The following ARHGAP25 variants were observed in gnomAD, a reference collection of about 807,000 sequenced individuals.
The protein encoded by ARHGAP25 is rho GTPase-activating protein 25.
A neutral mutation model predicts 71.0 loss-of-function variants in ARHGAP25; 34 were observed. The observed-to-expected ratio is 0.48, with a 90% CI of 0.36 to 0.64. The LOEUF (loss-of-function observed/expected upper bound fraction) is 0.64, where lower values mean the gene tolerates loss of function less well. Among genes scored for constraint, ARHGAP25 ranks in the 30% least tolerant of loss-of-function variants. The pLI is 0.00. For synonymous variants in ARHGAP25, 282 were observed against 296.5 expected (o/e 0.95, Z 0.50); for missense variants, 706 against 805.1 (o/e 0.88, Z 1.49).
intron 6 of ARHGAP25, among the ~76,000 whole-genome samples, chr2:68,814,754 A>G (rs1024358150): frequency 3.3e-5 from 5 of 152,210 alleles, no homozygotes; most frequent in African/African-American, 9.7e-5. Flanking sequence ...AGATCCTGAC[A>G]TAAGAGAAAA....
intron 1 of ARHGAP25, among the ~76,000 whole-genome samples, chr2:68,763,786 CT>C (rs1260108890): frequency 6.6e-6 from 1 of 152,118 alleles, no homozygotes; most frequent in Non-Finnish European, 1.5e-5. Flanking sequence ...TCTGCAGAAA[CT>C]GTTCTACTCT....
intron 1 of ARHGAP25, among the ~76,000 whole-genome samples, chr2:68,754,048 G>T (rs1035678847): frequency 6.6e-6 from 1 of 151,810 alleles, no homozygotes; most frequent in Admixed American, 6.6e-5. Context: ...GACTACAGGC[G>T]CCCGCCACCA....
chr2:68,784,292 T>C (rs1262828034), intron 3 of ARHGAP25, among the ~76,000 whole-genome samples: 1 of 152,142 alleles, frequency 6.6e-6, no homozygotes, highest in Admixed American at 6.5e-5. Context: ...CTTCCAAGGT[T>C]CCACCCAACC....
Position 68,826,137 on chromosome 2 carries a change from GGAA to G in ARHGAP25, c.1892_1894del (p.Glu631del), listed in dbSNP as rs767981057. 16 of 1,614,004 alleles carry G rather than the reference GGAA, an allele frequency of 9.9e-6. No homozygotes were observed. The Middle Eastern group carries it at 4.9e-4, about 50-fold the overall frequency. On this transcript the variant is annotated inframe_deletion, in exon 11 of 11. Transcript: ENST00000409202. ...ATGTTGAGAAGAGGAACAAGGCCTT[GGAA>G]GAAGAAGTCAAGGAATTTGTCAAAT...
Position 68,822,555 on chromosome 2 carries a change from G to A in ARHGAP25, c.1416G>A (p.Ser472=), listed in dbSNP as rs746079381. Residue 472 remains serine (S), a synonymous_variant, in exon 10 of 11, where the codon TCG becomes TCA. Transcript: ENST00000409202. ...KMEIFKNEFW[S]PSSEAKAGEG... ...AGATCTTTAAAAATGAATTCTGGTC[G>A]CCTTCCTCAGAGGCTAAGGCAGGGG... 23 of 1,614,040 alleles carry A rather than the reference G, an allele frequency of 1.4e-5. No homozygotes were observed. Among genetic ancestry groups the A allele is most frequent in the South Asian group, 5.5e-5 (5 of 91,094 alleles).
At chr2:68,804,235 C>A (rs1680203257) in intron 4 of ARHGAP25, among the ~76,000 whole-genome samples, 2 of 152,128 alleles carry the variant, frequency 1.3e-5, no homozygotes, top group African/African-American at 2.4e-5. Context: ...AGAAATGGAG[C>A]TTGAATTTGA....
chr2:68,731,716 T>TGA (rs1675024599), upstream of ARHGAP25, among the ~76,000 whole-genome samples: 1 of 152,082 alleles, frequency 6.6e-6, no homozygotes, highest in Non-Finnish European at 1.5e-5. Context: ...CCAACCCCCT[T>TGA]GCCTCCCTAA....
At chr2:68,715,792 G>A (rs1353364985) in intron 2 of ARHGAP25, among the ~76,000 whole-genome samples, 1 of 152,106 alleles carries the variant, frequency 6.6e-6, no homozygotes, top group Non-Finnish European at 1.5e-5. Context: ...TAGCAGTGAG[G>A]CACCCGAACA....
intron 6 of ARHGAP25, among the ~76,000 whole-genome samples, chr2:68,814,079 A>G (rs187180795): frequency 1.3e-5 from 2 of 152,340 alleles, no homozygotes; most frequent in Admixed American, 1.3e-4. Flanking sequence ...ACCAACAACA[A>G]TAAACCTTGA....
chr2:68,766,884 C>G (rs1404668722), intron 1 of ARHGAP25, among the ~76,000 whole-genome samples: 1 of 152,144 alleles, frequency 6.6e-6, no homozygotes, highest in Non-Finnish European at 1.5e-5. Context: ...TTTACCTCTT[C>G]CTGCAGAACA....
chr2:68,813,225 G>C (rs777179369), intron 5 of ARHGAP25, 62 bp from the exon 6 acceptor site: 63 of 1,535,726 alleles, frequency 4.1e-5, no homozygotes, highest in Non-Finnish European at 5.4e-5. Flanking sequence ...GAATGGAAGA[G>C]AGGAACATCC....
intron 3 of ARHGAP25, among the ~76,000 whole-genome samples, chr2:68,784,266 A>G (rs72899832): frequency 5.9e-5 from 9 of 152,164 alleles, no homozygotes; most frequent in Admixed American, 4.6e-4. Context: ...AACCATTTTC[A>G]TAAAGATACC....
chr2:68,727,750 G>A (rs1457677837), intron 2 of ARHGAP25, among the ~76,000 whole-genome samples: 2 of 152,238 alleles, frequency 1.3e-5, no homozygotes, highest in African/African-American at 4.8e-5. Flanking sequence ...CCCTGCCCAG[G>A]CATTGTTTTA....
At chr2:68,813,234 C>T in intron 5 of ARHGAP25, 53 bp from the exon 6 acceptor site, 1 of 1,555,662 alleles carries the variant, frequency 6.4e-7, no homozygotes, top group Non-Finnish European at 8.7e-7. Flanking sequence ...AGAGGAACAT[C>T]CTAAAGTTTT....
At chr2:68,757,748 T>C (rs964610807) in intron 1 of ARHGAP25, 1 of 152,074 alleles carries the variant, frequency 6.6e-6, no homozygotes, top group Non-Finnish European at 1.5e-5. Context: ...CATCTATGAT[T>C]TTAAAAGTCA....
chr2:68,764,637 T>C (rs904737081), intron 1 of ARHGAP25, among the ~76,000 whole-genome samples: 1 of 152,144 alleles, frequency 6.6e-6, no homozygotes, highest in African/African-American at 2.4e-5. Context: ...CAGGGTAAAC[T>C]GGAAATAACA....
At position 68,782,244 on chromosome 2, in the gene ARHGAP25, T is replaced by A; in HGVS notation, c.273T>A (p.Tyr91Ter). The A allele has an allele frequency of 6.2e-7, 1 of 1,614,088 alleles. No homozygotes were observed. Among genetic ancestry groups the A allele is most frequent in the Non-Finnish European group, 8.5e-7 (1 of 1,179,966 alleles). ...TTTTCATCTTTCAGGGCTGCATGTATCTACCAGGATGTACAATCAAGGAGA... is the reference window on the plus strand; with the variant it reads ...TTTTCATCTTTCAGGGCTGCATGTAACTACCAGGATGTACAATCAAGGAGA... Reference protein sequence around the residue: ...EEDTKPQGCMYLPGCTIKEIA... With the variant: ...EEDTKPQGCM The change falls in exon 3 of 11, where the codon TAT becomes TAA. Residue 91 changes from tyrosine to a stop codon, truncating the protein, a stop_gained. Transcript: ENST00000409202. LOFTEE classifies it high-confidence loss of function.
At chr2:68,814,377 A>G (rs1681053049) in intron 6 of ARHGAP25, among the ~76,000 whole-genome samples, 2 of 152,232 alleles carry the variant, frequency 1.3e-5, no homozygotes, top group Admixed American at 1.3e-4. Flanking sequence ...AAATGTGGCT[A>G]GTGCACCTGG....
chr2:68,775,852 A>C (rs781289064), intron 2 of ARHGAP25: 10 of 358,580 alleles, frequency 2.8e-5, no homozygotes, highest in African/African-American at 4.3e-5. Flanking sequence ...AACAGATAAA[A>C]ATCTCTTCCA....
Sources: allele counts gnomAD v4.1 joint callset (sites outside exome capture counted in the v4.1 genomes callset), GRCh38; gene constraint gnomAD v4.1.1; transcripts MANE v1.5; gene names NCBI Gene and HGNC (gene_info 2026-07-23, HGNC 2026-07-21).